RRBP1: variants seen among roughly 807,000 people sequenced by gnomAD.
The protein encoded by RRBP1 is ribosome binding protein 1.
Under a neutral mutation model 165.2 loss-of-function variants are expected in RRBP1, and 94 were observed. That is an observed-to-expected ratio of 0.57 (90% confidence interval 0.48 to 0.68). The LOEUF is 0.68. Ranked by LOEUF, RRBP1 falls within the 30% of genes least tolerant of loss-of-function variation. The probability of loss-of-function intolerance (pLI) is 0.00; values close to 1 mark genes in which losing one functional copy is unlikely to be tolerated. For synonymous variants in RRBP1, 680 were observed against 714.5 expected (o/e 0.95, Z 0.77); for missense variants, 1,676 against 1,763.0 (o/e 0.95, Z 0.88).
At position 17,647,713 on chromosome 20, in the gene RRBP1, G is replaced by A. The variant is rs553212517; in HGVS notation, c.1913-4586C>T. ...GAACCTGAAACAGCATGGACTTGAG[G>A]GCTTGGGGAAGAACTCCAGTGGCAA... is the stretch of plus-strand genomic sequence containing the variant. On this transcript the variant is annotated intron_variant, in intron 3 of 24. Transcript: ENST00000377813. Among the ~76,000 whole-genome samples the A allele has an allele frequency of 5.3e-5, 8 of 152,296 alleles. No individual in the cohort carries two copies. In the Middle Eastern group the frequency reaches 0.017, roughly 324 times the overall value.
At chr20:17,619,580 G>C in intron 19 of RRBP1, 53 bp downstream of exon 19, 1 of 1,335,096 alleles carries the variant, frequency 7.5e-7, no homozygotes, top group Non-Finnish European at 1.0e-6. Flanking sequence ...GCAGCTCAGG[G>C]AGGACCGCAG....
intron 2 of RRBP1, among the ~76,000 whole-genome samples, chr20:17,667,061 T>C (rs2036886023): frequency 6.6e-6 from 1 of 152,248 alleles, no homozygotes; most frequent in East Asian, 1.9e-4. Context: ...ATGAGAAAAA[T>C]CAGAGGTGAT....
At chr20:17,624,349 CCT>C (rs1177711236) in intron 13 of RRBP1, among the ~76,000 whole-genome samples, 6 of 152,132 alleles carry the variant, frequency 3.9e-5, no homozygotes, top group Admixed American at 6.5e-5. Flanking sequence ...CGTCCTAGTG[CCT>C]CTGTGTCTGT....
rs1029252503 is a variant in RRBP1 at position 17,652,262 on chromosome 20, G to A, written c.1912+6334C>T. Among the ~76,000 whole-genome samples, 8 of 152,342 alleles carry A rather than the reference G, an allele frequency of 5.3e-5. No individual in the cohort carries two copies. The East Asian group carries it at 1.5e-3, about 29-fold the overall frequency. ...CTGCACTGTGTAAAGGGAGCCACTAGCCACATGTGACTAGTAGGCACTTGG... is the reference window on the plus strand; with the variant it reads ...CTGCACTGTGTAAAGGGAGCCACTAACCACATGTGACTAGTAGGCACTTGG... On this transcript the variant is annotated intron_variant, in intron 3 of 24. Coordinates refer to ENST00000377813, the MANE Select transcript of RRBP1 (RefSeq NM_001365613.2).
In RRBP1 at chr20:17,636,499, G is replaced by C. The variant is rs1338117569; in HGVS notation, c.2337+78C>G. 1.0e-4 allele frequency: 160 copies of C among 1,532,002 alleles called. No individual in the cohort carries two copies. The South Asian group carries it at 1.7e-3, about 17-fold the overall frequency. The allele number at this position is 1,532,002 out of a possible 1,614,324, so 94.9% of individuals were successfully genotyped here. A position where few individuals can be genotyped will look rare whatever the true frequency, so the allele number is the denominator to read the frequency against. On this transcript the variant is annotated intron_variant, in intron 6 of 24. Coordinates refer to ENST00000377813, the MANE Select transcript of RRBP1 (RefSeq NM_001365613.2). ...CCCCCTCCTCATGCCTCACCCTTTGGGCCTCTCTGGCTCCCTCCGTCCTGG... is the reference window on the plus strand; with the variant it reads ...CCCCCTCCTCATGCCTCACCCTTTGCGCCTCTCTGGCTCCCTCCGTCCTGG...
At chr20:17,676,052 C>A (rs1285994580) in intron 2 of RRBP1, among the ~76,000 whole-genome samples, 5 of 152,100 alleles carry the variant, frequency 3.3e-5, no homozygotes, top group East Asian at 1.9e-4. Flanking sequence ...TACAAAAAAA[C>A]CTAAAAATTC....
In RRBP1 at chr20:17,626,764, C is replaced by CT. The variant is rs2036029453; in HGVS notation, c.2963+583_2963+584insA. 5.3e-4 allele frequency among the ~76,000 whole-genome samples: 17 copies of CT among 32,236 alleles called. No homozygotes were observed. In the South Asian group the frequency reaches 0.022, roughly 42 times the overall value. The allele number at this position is 32,236 out of a possible 152,430, so 21.1% of individuals were successfully genotyped here. On this transcript the variant is annotated intron_variant, in intron 11 of 24. Coordinates refer to ENST00000377813, the MANE Select transcript of RRBP1 (RefSeq NM_001365613.2). Reference sequence around the variant, plus strand: ...TCGAGCCACCCCACCCAGGTGTTGGCCGGCCTTAGCAACAGCAAATAAACA... The same window carrying CT: ...TCGAGCCACCCCACCCAGGTGTTGGCTCGGCCTTAGCAACAGCAAATAAACA...
chr20:17,650,730 C>T (rs531344098), intron 3 of RRBP1, among the ~76,000 whole-genome samples: 61 of 152,300 alleles, frequency 4.0e-4, no homozygotes, highest in Middle Eastern at 3.4e-3. Context: ...CCTCAGTCTA[C>T]GCCCACACTG....
At chr20:17,637,519 T>C (rs1448960553) in intron 5 of RRBP1, among the ~76,000 whole-genome samples, 1 of 152,098 alleles carries the variant, frequency 6.6e-6, no homozygotes, top group Non-Finnish European at 1.5e-5. Flanking sequence ...ATACATATCA[T>C]AAACACAGCA....
intron 22 of RRBP1, among the ~76,000 whole-genome samples, 183 bp downstream of exon 22, chr20:17,615,743 T>C (rs1039833549): frequency 6.6e-6 from 1 of 152,094 alleles, no homozygotes; most frequent in African/African-American, 2.4e-5. Context: ...CCCACAGGGC[T>C]CCCAAGGTGC....
At chr20:17,624,716 G>T in intron 12 of RRBP1, 48 bp from the exon 13 acceptor site, 20 of 1,346,502 alleles carry the variant, frequency 1.5e-5, no homozygotes, top group Non-Finnish European at 2.0e-5. Flanking sequence ...TGGCAGCACG[G>T]GCTGCCTAAG....
chr20:17,640,715 C>T (rs2036338263), intron 5 of RRBP1, among the ~76,000 whole-genome samples: 1 of 152,210 alleles, frequency 6.6e-6, no homozygotes, highest in Non-Finnish European at 1.5e-5. Flanking sequence ...ACCACCCCAG[C>T]AGGGTGGAGA....
chr20:17,666,075 T>C (rs1219234611), intron 2 of RRBP1, among the ~76,000 whole-genome samples: 1 of 152,240 alleles, frequency 6.6e-6, no homozygotes, highest in African/African-American at 2.4e-5. Flanking sequence ...AGCTTAAGCA[T>C]CCCCTACAAA....
At chr20:17,650,835 G>C (rs928311081) in intron 3 of RRBP1, among the ~76,000 whole-genome samples, 1 of 152,342 alleles carries the variant, frequency 6.6e-6, no homozygotes, top group African/African-American at 2.4e-5. Context: ...GGCAGCCCAG[G>C]TGGGAGGCAA....
At chr20:17,642,556 C>G (rs1048763578) in intron 4 of RRBP1, among the ~76,000 whole-genome samples, 96 of 152,346 alleles carry the variant, frequency 6.3e-4, no homozygotes, top group African/African-American at 2.2e-3. Flanking sequence ...TTGGGCACAG[C>G]TCTTGGCCAG....
chr20:17,647,940 A>G (rs6080760), intron 3 of RRBP1, among the ~76,000 whole-genome samples: 18,220 of 151,938 alleles, frequency 0.12, 1,408 homozygotes, highest in Middle Eastern at 0.23. Context: ...CAGTCACCCG[A>G]CCCAAACTCA....
chr20:17,618,827 C>T, intron 19 of RRBP1, 148 bp from the exon 20 acceptor site: 1 of 643,944 alleles, frequency 1.6e-6, no homozygotes, highest in East Asian at 2.7e-5. Flanking sequence ...CGGCACAGGG[C>T]TCGCCAGGCT....
At position 17,659,950 on chromosome 20, in the gene RRBP1, AC is replaced by A; in HGVS notation, c.557del (p.Gly186ValfsTer87). The A allele has an allele frequency of 6.3e-7, 1 of 1,595,354 alleles. No individual in the cohort carries two copies. The highest frequency in any genetic ancestry group is 8.5e-7 in the Non-Finnish European group (1 of 1,170,354). On this transcript the variant is annotated frameshift_variant, in exon 3 of 25. Coordinates refer to ENST00000377813, the MANE Select transcript of RRBP1 (RefSeq NM_001365613.2). LOFTEE classifies it high-confidence loss of function. ...CAGTGGCTGGTGTGTTGCCCTTGGC[AC>A]CCACTGGGGGCACCACCACCATCGG... Reference protein sequence around the residue: ...EVPMVVVPPVGAKGNTPATGT... With the variant: ...EVPMVVVPPVXAKGNTPATGT...
chr20:17,627,167 T>C (rs1370646342), intron 11 of RRBP1, among the ~76,000 whole-genome samples, 181 bp downstream of exon 11: 1 of 128,084 alleles, frequency 7.8e-6, no homozygotes, highest in Non-Finnish European at 1.8e-5. Context: ...GGCCGCCTTC[T>C]TTCCCGCCCA....
Sources: gnomAD v4.1 joint callset for allele counts (sites outside exome capture counted in the v4.1 genomes callset) on GRCh38, gnomAD v4.1.1 for gene constraint, MANE v1.5 for transcripts, NCBI Gene and HGNC (gene_info 2026-07-23, HGNC 2026-07-21) for gene names.